MLLT10: variants seen among roughly 807,000 people sequenced by gnomAD.
MLLT10 encodes the protein MLLT10 histone lysine methyltransferase DOT1L cofactor.
MLLT10 carries 30 observed loss-of-function variants against 129.1 expected under a neutral mutation model. That is an observed-to-expected ratio of 0.23 (90% CI 0.17 to 0.32). MLLT10 has a LOEUF of 0.32. MLLT10 is among the 10% of genes least tolerant of loss of function. MLLT10 has a pLI of 1.00. For synonymous variants in MLLT10, 490 were observed against 446.4 expected, an observed-to-expected ratio of 1.10 and a Z score of -1.23; for missense variants, 1,119 against 1,268.3, an observed-to-expected ratio of 0.88 and a Z score of 1.79.
intron 8 of MLLT10, chr10:21,624,685 C>G (rs2046250486): frequency 7.1e-7 from 1 of 1,409,744 alleles, no homozygotes; most frequent in African/African-American, 1.4e-5. Context: ...GCTGAAGCGG[C>G]TGCTGAGCGA....
intron 8 of MLLT10, among the ~76,000 whole-genome samples, chr10:21,640,374 ATATATG>A (rs1354911723): frequency 6.7e-6 from 1 of 148,938 alleles, no homozygotes; most frequent in East Asian, 1.9e-4. Flanking sequence ...GTGTGTGTAT[ATATATG>A]TATATATCAT....
rs34491223 is a variant in MLLT10, at chr10:21,646,034, G to A, written c.700-5639G>A. Among the ~76,000 whole-genome samples the A allele has an allele frequency of 3.0e-3, 451 of 152,126 alleles. 1 individual carries two copies. The highest frequency in any genetic ancestry group is 5.3e-3 in the Non-Finnish European group (362 of 68,000). On this transcript the variant is annotated intron_variant, in intron 8 of 22. Coordinates refer to ENST00000307729, the MANE Select transcript of MLLT10 (RefSeq NM_001195626.3). The stretch of plus-strand genomic sequence containing the variant: ...AGCCTGGCCAACATGATGAAATCCC[G>A]TCTCTACTAAAAATACAAAAGTTAG...
chr10:21,574,924 C>T (rs947924385), intron 3 of MLLT10, among the ~76,000 whole-genome samples: 1 of 152,092 alleles, frequency 6.6e-6, no homozygotes, highest in African/African-American at 2.4e-5. Context: ...GTGCCAGCCT[C>T]CTATCTCATT....
At chr10:21,580,219 C>A (rs1460153401) in intron 3 of MLLT10, among the ~76,000 whole-genome samples, 1 of 151,550 alleles carries the variant, frequency 6.6e-6, no homozygotes, top group South Asian at 2.1e-4. Context: ...CTGAGACATC[C>A]TGTTTTATTT....
chr10:21,645,032 C>G (rs1245339466), intron 8 of MLLT10, among the ~76,000 whole-genome samples: 1 of 152,082 alleles, frequency 6.6e-6, no homozygotes. Context: ...CTGTTTCTTC[C>G]CTGAAGCTAG....
intron 8 of MLLT10, among the ~76,000 whole-genome samples, chr10:21,638,997 G>A (rs375366648): frequency 5.0e-4 from 76 of 152,242 alleles, no homozygotes; most frequent in African/African-American, 1.7e-3. Context: ...CCCATTAACT[G>A]CCTAGTTGAC....
intron 8 of MLLT10, among the ~76,000 whole-genome samples, chr10:21,643,387 A>C (rs2048199176): frequency 1.3e-5 from 2 of 152,180 alleles, no homozygotes; most frequent in South Asian, 2.1e-4. Context: ...ACATTCTCTT[A>C]TGTAAACATA....
chr10:21,561,200 CTG>C (rs2038755979), intron 3 of MLLT10, among the ~76,000 whole-genome samples: 1 of 152,048 alleles, frequency 6.6e-6, no homozygotes, highest in Non-Finnish European at 1.5e-5. Context: ...AGATTTTCCC[CTG>C]TGTTTTCTTC....
chr10:21,620,956 T>G (rs1038013662), intron 8 of MLLT10, among the ~76,000 whole-genome samples: 1 of 151,760 alleles, frequency 6.6e-6, no homozygotes, highest in Admixed American at 6.6e-5. Context: ...GTGCTGGGAT[T>G]TCAGGCGTGA....
chr10:21,615,075 TA>T (rs1457884821), intron 7 of MLLT10, 151 bp downstream of exon 7: 4 of 601,580 alleles, frequency 6.6e-6, no homozygotes, highest in Admixed American at 3.5e-5. Flanking sequence ...TGGAAGTAAA[TA>T]GATCTGTTAA....
chr10:21,726,229 A>T lies in MLLT10; in HGVS notation c.1879-15A>T. 1 of 1,493,906 alleles carries T rather than the reference A, an allele frequency of 6.7e-7. No individual in the cohort carries two copies. Among genetic ancestry groups the T allele is most frequent in the Non-Finnish European group, 9.2e-7 (1 of 1,081,354 alleles). The allele number at this position is 1,493,906 out of a possible 1,614,324, so 92.5% of individuals were successfully genotyped here. A position where few individuals can be genotyped will look rare whatever the true frequency, so the allele number is the denominator to read the frequency against. On this transcript the variant is annotated splice_polypyrimidine_tract_variant and intron_variant, in intron 14 of 22. Coordinates refer to ENST00000307729, the MANE Select transcript of MLLT10 (RefSeq NM_001195626.3). ...CACATATAATTCATTTATCATTGTA[A>T]TTTTTTCCATTTAGGCAAATACTCT...
chr10:21,566,862 G>T (rs187995473), intron 3 of MLLT10, among the ~76,000 whole-genome samples: 136 of 151,994 alleles, frequency 8.9e-4, no homozygotes, highest in African/African-American at 2.9e-3. Flanking sequence ...TGCCCAGGCT[G>T]AAGTGCAATG....
chr10:21,540,654 C>T (rs2034986094), intron 3 of MLLT10, among the ~76,000 whole-genome samples: 1 of 152,104 alleles, frequency 6.6e-6, no homozygotes, highest in Non-Finnish European at 1.5e-5. Context: ...GTTATGCAAA[C>T]CTACCATTTA....
chr10:21,625,585 C>T (rs564167273), intron 8 of MLLT10: 23 of 760,454 alleles, frequency 3.0e-5, no homozygotes, highest in Non-Finnish European at 5.7e-5. Context: ...ACCCCCATTT[C>T]TTCTTTTTGT....
intron 9 of MLLT10, among the ~76,000 whole-genome samples, chr10:21,662,424 C>A (rs935652483): frequency 1.3e-5 from 2 of 149,658 alleles, no homozygotes; most frequent in African/African-American, 4.9e-5. Context: ...TTTCTCTTTC[C>A]TTTTCAATTT....
At chr10:21,676,417 C>CAA (rs113829023) in intron 11 of MLLT10, among the ~76,000 whole-genome samples, 1 of 129,562 alleles carries the variant, frequency 7.7e-6, no homozygotes, top group African/African-American at 2.9e-5. Flanking sequence ...GACTCCGTCT[C>CAA]AAAAAAAAAA....
In MLLT10 at chr10:21,620,449, C is replaced by G. The variant is rs1007782062; in HGVS notation, c.699+3242C>G. Reference sequence around the variant, plus strand: ...TTCTAGATTTACCATGGAGTTATGTCAGGATAAACTTTTCGTAAGTTGAAA... The same window carrying G: ...TTCTAGATTTACCATGGAGTTATGTGAGGATAAACTTTTCGTAAGTTGAAA... On this transcript the variant is annotated intron_variant, in intron 8 of 22. Coordinates refer to ENST00000307729, the MANE Select transcript of MLLT10 (RefSeq NM_001195626.3). 3.9e-5 allele frequency among the ~76,000 whole-genome samples: 6 copies of G among 152,076 alleles called. No homozygotes were observed. The South Asian group carries it at 1.2e-3, about 32-fold the overall frequency.
chr10:21,743,026 A>T lies in MLLT10; in HGVS notation c.*1043A>T, dbSNP rs1280175326. ...TTATTTAAACCACTTCCCATTACTG[A>T]CCATTAAAAGCTCACCACTAGAGTT... On this transcript the variant is annotated 3_prime_UTR_variant, in exon 23 of 23. Coordinates refer to ENST00000307729, the MANE Select transcript of MLLT10 (RefSeq NM_001195626.3). 3 of 230,446 alleles carry T rather than the reference A, an allele frequency of 1.3e-5. No homozygotes were observed. The highest frequency in any genetic ancestry group is 2.6e-5 in the Non-Finnish European group (3 of 116,392). 14.3% of individuals were successfully genotyped at this position (230,446 alleles called of 1,614,324 possible). A position where few individuals can be genotyped will look rare whatever the true frequency, so the allele number is the denominator to read the frequency against.
chr10:21,636,608 C>G (rs994252045), intron 8 of MLLT10, among the ~76,000 whole-genome samples: 2 of 149,600 alleles, frequency 1.3e-5, no homozygotes, highest in African/African-American at 2.5e-5. Context: ...GAGTTTCACT[C>G]TTGTTGCCCA....
Sources: gnomAD v4.1 joint callset for allele counts (sites outside exome capture counted in the v4.1 genomes callset) on GRCh38, gnomAD v4.1.1 for gene constraint, MANE v1.5 for transcripts, NCBI Gene and HGNC (gene_info 2026-07-23, HGNC 2026-07-21) for gene names.